Variants in EPHA5 observed in about 807,000 individuals in gnomAD.
The protein encoded by EPHA5 is EPH receptor A5.
In EPHA5, 60 loss-of-function variants were observed where a neutral mutation model predicts 105.0. The ratio of observed to expected loss-of-function variants is 0.57; its 90% CI spans 0.46 to 0.71. The LOEUF (loss-of-function observed/expected upper bound fraction) is 0.71, where lower values mean the gene tolerates loss of function less well. Among genes scored for constraint, EPHA5 ranks in the 30% least tolerant of loss-of-function variants. EPHA5 has a pLI of 0.00. For synonymous variants in EPHA5, 513 were observed against 449.1 expected (o/e 1.14, Z -1.80); for missense variants, 1,218 against 1,274.7 (o/e 0.96, Z 0.68).
intron 15 of EPHA5, among the ~76,000 whole-genome samples, chr4:65,332,997 C>G (rs867096942): frequency 4.0e-5 from 6 of 151,612 alleles, no homozygotes; most frequent in African/African-American, 1.5e-4. Context: ...AATGTAACCC[C>G]AAATACAAAA....
chr4:65,481,692 A>G (rs1730380533), intron 5 of EPHA5, among the ~76,000 whole-genome samples: 1 of 152,186 alleles, frequency 6.6e-6, no homozygotes. Flanking sequence ...GACTTGCAAG[A>G]TTTTATAGCT....
At chr4:65,640,922 A>G (rs1747606556) in intron 2 of EPHA5, among the ~76,000 whole-genome samples, 1 of 152,124 alleles carries the variant, frequency 6.6e-6, no homozygotes, top group Non-Finnish European at 1.5e-5. Flanking sequence ...AGCTTTCCCT[A>G]AGTTTTCTGG....
intron 7 of EPHA5, 118 bp downstream of exon 7, chr4:65,414,166 C>T: frequency 1.1e-6 from 1 of 908,900 alleles, no homozygotes; most frequent in East Asian, 2.5e-5. Flanking sequence ...GGGGTCATGC[C>T]TGGGAGAGAG....
intron 8 of EPHA5, among the ~76,000 whole-genome samples, chr4:65,383,665 C>T (rs1719798056): frequency 6.6e-6 from 1 of 151,720 alleles, no homozygotes; most frequent in South Asian, 2.1e-4. Flanking sequence ...TCAATAATGC[C>T]CTGGTCATAA....
Position 65,455,699 on chromosome 4 carries a change from C to T in EPHA5, c.1402+34678G>A, listed in dbSNP as rs115756208. Reference sequence around the variant, plus strand: ...CATTACTATGTAATGACAAATGTGACACACATAAAGAAAAAAAGCAGATGG... The same window carrying T: ...CATTACTATGTAATGACAAATGTGATACACATAAAGAAAAAAAGCAGATGG... On this transcript the variant is annotated intron_variant, in intron 5 of 16. Coordinates refer to ENST00000613740, the MANE Select transcript of EPHA5 (RefSeq NM_001281766.3). 1.9e-3 allele frequency among the ~76,000 whole-genome samples: 285 copies of T among 152,110 alleles called. 1 individual carries two copies. The highest frequency in any genetic ancestry group is 6.0e-3 in the African/African-American group (251 of 41,504).
At chr4:65,417,518 T>G (rs1723503648) in intron 6 of EPHA5, among the ~76,000 whole-genome samples, 1 of 152,126 alleles carries the variant, frequency 6.6e-6, no homozygotes, top group African/African-American at 2.4e-5. Context: ...AATAATCACT[T>G]CCACCAATAT....
chr4:65,560,146 A>G (rs1481994202), intron 3 of EPHA5, among the ~76,000 whole-genome samples: 2 of 152,124 alleles, frequency 1.3e-5, no homozygotes, highest in Non-Finnish European at 2.9e-5. Context: ...TCTTTTGAAT[A>G]AAGTTGATTA....
At chr4:65,648,315 C>A (rs1748306214) in intron 1 of EPHA5, among the ~76,000 whole-genome samples, 1 of 152,162 alleles carries the variant, frequency 6.6e-6, no homozygotes, top group Non-Finnish European at 1.5e-5. Context: ...TCCTTAACAT[C>A]TTGCCAACTT....
intron 2 of EPHA5, among the ~76,000 whole-genome samples, chr4:65,609,637 A>G (rs1744572984): frequency 7.3e-6 from 1 of 136,354 alleles, no homozygotes; most frequent in Non-Finnish European, 1.6e-5. Flanking sequence ...GAGGAAAAAA[A>G]TCAGTTTTTT....
chr4:65,386,491 G>C (rs1313178119), intron 8 of EPHA5, among the ~76,000 whole-genome samples: 1 of 151,746 alleles, frequency 6.6e-6, no homozygotes, highest in Non-Finnish European at 1.5e-5. Flanking sequence ...TTATGAATGT[G>C]TTCTAAGGAC....
At chr4:65,651,689 C>A (rs1748623242) in intron 1 of EPHA5, among the ~76,000 whole-genome samples, 1 of 152,060 alleles carries the variant, frequency 6.6e-6, no homozygotes, top group Non-Finnish European at 1.5e-5. Flanking sequence ...TTCATCACCA[C>A]AAAGATGTTA....
intron 8 of EPHA5, among the ~76,000 whole-genome samples, chr4:65,387,348 A>G (rs1720204930): frequency 6.6e-6 from 1 of 151,968 alleles, no homozygotes; most frequent in Admixed American, 6.6e-5. Flanking sequence ...CAAATGGGCT[A>G]AACTGTACAA....
chr4:65,360,042 T>C (rs1244589049), intron 11 of EPHA5, among the ~76,000 whole-genome samples: 1 of 151,616 alleles, frequency 6.6e-6, no homozygotes, highest in Admixed American at 6.6e-5. Context: ...CCTTAGAGCA[T>C]TGCTAGTCCC....
At chr4:65,530,108 G>A (rs1021050066) in intron 3 of EPHA5, among the ~76,000 whole-genome samples, 2 of 152,050 alleles carry the variant, frequency 1.3e-5, no homozygotes, top group Admixed American at 1.3e-4. Context: ...ATCTATCACA[G>A]ATGTCTTAAA....
chr4:65,603,134 T>C (rs1313628129), intron 2 of EPHA5, among the ~76,000 whole-genome samples: 1 of 152,042 alleles, frequency 6.6e-6, no homozygotes, highest in Non-Finnish European at 1.5e-5. Context: ...TCTGAAGATA[T>C]ACAGGACGTA....
In EPHA5 at chr4:65,324,134, T is replaced by C. The variant is rs1194592338; in HGVS notation, c.3031A>G (p.Asn1011Asp). Reference sequence around the variant, plus strand: ...TGAAGTTACAATGGCACCATTCCGTTTACCAGCTGCACCTTCATTTCTTGA... The same window carrying C: ...TGAAGTTACAATGGCACCATTCCGTCTACCAGCTGCACCTTCATTTCTTGA... ...SLQEMKVQLV[N>D]GMVPL The change falls in exon 17 of 17, where the codon AAC becomes GAC. Residue 1011 changes from asparagine to aspartate, a missense_variant. By Grantham distance (23) the Asn-to-Asp change is conservative. This residue lies in a region of EPHA5 where 971 missense variants were observed against 1,013.5 expected (regional missense o/e 0.96). Transcript: ENST00000613740. 6.2e-7 allele frequency: 1 copy of C among 1,608,950 alleles called. No individual in the cohort carries two copies. Among genetic ancestry groups the C allele is most frequent in the African/African-American group, 1.3e-5 (1 of 74,578 alleles).
intron 5 of EPHA5, among the ~76,000 whole-genome samples, chr4:65,484,233 T>C (rs754279518): frequency 3.9e-5 from 6 of 152,186 alleles, no homozygotes; most frequent in Non-Finnish European, 8.8e-5. Context: ...TTTCACCATA[T>C]TGTTCTAATG....
In EPHA5 at chr4:65,601,835, TGTC is replaced by T; in HGVS notation, c.713_715del (p.Arg238del). On this transcript the variant is annotated inframe_deletion, in exon 3 of 17. Transcript: ENST00000613740. ...GATGGTGTCAGGGAAGACAGCCAAG[TGTC>T]GTACCACAGAAGGGCATTTTTTATA... 6.2e-7 allele frequency: 1 copy of T among 1,614,150 alleles called. No homozygotes were observed. Among genetic ancestry groups the T allele is most frequent in the Non-Finnish European group, 8.5e-7 (1 of 1,180,014 alleles).
chr4:65,473,924 A>G (rs1288019492), intron 5 of EPHA5, among the ~76,000 whole-genome samples: 1 of 145,878 alleles, frequency 6.9e-6, no homozygotes, highest in Non-Finnish European at 1.5e-5. Context: ...TTCCTTTAAT[A>G]TCTATAGCAT....
Sources: allele counts gnomAD v4.1 joint callset (sites outside exome capture counted in the v4.1 genomes callset), GRCh38; gene constraint gnomAD v4.1.1; regional missense constraint gnomAD v4.1.1; transcripts MANE v1.5; gene names NCBI Gene and HGNC (gene_info 2026-07-23, HGNC 2026-07-21).